Variants in TRABD2A observed in about 807,000 individuals in gnomAD.
TRABD2A encodes metalloprotease TIKI1.
A neutral mutation model predicts 45.6 loss-of-function variants in TRABD2A; 43 were observed. The ratio of observed to expected loss-of-function variants is 0.94; its 90% CI spans 0.74 to 1.22. The LOEUF (loss-of-function observed/expected upper bound fraction) is 1.22. Ranked by LOEUF, TRABD2A falls within the 50% of genes most tolerant of loss-of-function variation. TRABD2A has a pLI of 0.00. For synonymous variants in TRABD2A, 269 were observed against 265.0 expected, an observed-to-expected ratio of 1.02 and a Z score of -0.15; for missense variants, 642 against 652.4, an observed-to-expected ratio of 0.98 and a Z score of 0.17.
intron 2 of TRABD2A, chr2:84,849,426 A>G (rs903060486): frequency 1.3e-5 from 2 of 152,172 alleles, no homozygotes; most frequent in African/African-American, 4.8e-5. Context: ...CTACCCACCC[A>G]TAAGCTTGCT....
intron 2 of TRABD2A, among the ~76,000 whole-genome samples, chr2:84,848,491 C>G (rs1381549866): frequency 7.0e-6 from 1 of 142,698 alleles, no homozygotes; most frequent in African/African-American, 2.5e-5. Flanking sequence ...AAAGCCTTTC[C>G]ATGAACAAAT....
At chr2:84,852,225 G>A (rs971155032) in intron 2 of TRABD2A, among the ~76,000 whole-genome samples, 1 of 152,174 alleles carries the variant, frequency 6.6e-6, no homozygotes, top group Non-Finnish European at 1.5e-5. Flanking sequence ...GGACAACAGG[G>A]GTGGCAGCAC....
Position 84,870,519 on chromosome 2 carries a change from G to A in TRABD2A, c.375C>T (p.Arg125=). 1 of 1,614,048 alleles carries A rather than the reference G, an allele frequency of 6.2e-7. No homozygotes were observed. The highest frequency in any genetic ancestry group is 2.2e-5 in the East Asian group (1 of 44,894). The change falls in exon 2 of 7, where the codon CGC becomes CGT. Residue 125 remains arginine (R), a synonymous_variant. Coordinates refer to ENST00000409520, the MANE Select transcript of TRABD2A (RefSeq NM_001277053.2). ...LPRDIYCRLK[R]HLEYVKLMMP... is the part of the protein sequence containing the mutation. ...TCATGAGCTTGACATACTCCAGGTG[G>A]CGCTTGAGGCGGCAGTAGATGTCCC...
chr2:84,822,679 A>G (rs765460946), intron 6 of TRABD2A, among the ~76,000 whole-genome samples: 5 of 152,182 alleles, frequency 3.3e-5, no homozygotes, highest in Non-Finnish European at 5.9e-5. Flanking sequence ...AAACAGGTCA[A>G]TTTATTCCTC....
intron 5 of TRABD2A, among the ~76,000 whole-genome samples, chr2:84,828,714 T>C (rs916482682): frequency 1.3e-5 from 2 of 152,242 alleles, no homozygotes; most frequent in African/African-American, 2.4e-5. Flanking sequence ...TCAATCCTAT[T>C]TGAGATCCCA....
At chr2:84,868,329 C>T (rs925375229) in intron 2 of TRABD2A, among the ~76,000 whole-genome samples, 10 of 151,600 alleles carry the variant, frequency 6.6e-5, no homozygotes, top group South Asian at 2.1e-4. Context: ...AGCAAACTAT[C>T]GCAAGGACAA....
intron 2 of TRABD2A, chr2:84,843,481 T>C (rs1212335886): frequency 6.6e-6 from 1 of 152,220 alleles, no homozygotes; most frequent in Non-Finnish European, 1.5e-5. Flanking sequence ...ACAGGCCCAC[T>C]GCGTACCCCT....
At chr2:84,879,458 G>A (rs768748944) in intron 1 of TRABD2A, 35 of 341,142 alleles carry the variant, frequency 1.0e-4, no homozygotes, top group Non-Finnish European at 1.3e-4. Context: ...TGGGATTACA[G>A]GAGTGAGCTA....
At chr2:84,854,862 G>C (rs1300323339) in intron 2 of TRABD2A, among the ~76,000 whole-genome samples, 1 of 152,114 alleles carries the variant, frequency 6.6e-6, no homozygotes, top group Non-Finnish European at 1.5e-5. Flanking sequence ...CATGGTGTCA[G>C]GTCCACCTCT....
rs766171298 is a variant in TRABD2A at position 84,839,323 on chromosome 2, C to A, written c.817G>T (p.Val273Phe). 6 of 1,600,586 alleles carry A rather than the reference C, an allele frequency of 3.7e-6. No homozygotes were observed. The highest frequency in any genetic ancestry group is 2.6e-6 in the Non-Finnish European group (3 of 1,174,286). ...AGCGTGGCATTAATAAAATTGGGAA[C>A]CTCCACCAAAATAAAGAGAAAAAAA... ...SVILSHDSSQVPNFINATLPP... is the reference protein window; with the variant it reads ...SVILSHDSSQFPNFINATLPP... Residue 273 changes from valine to phenylalanine, a missense_variant and splice_region_variant, in exon 4 of 7, where the codon GTT (valine) becomes TTT (phenylalanine). Transcript: ENST00000409520.
intron 5 of TRABD2A, among the ~76,000 whole-genome samples, chr2:84,828,789 G>A (rs1053462693): frequency 6.6e-6 from 1 of 152,198 alleles, no homozygotes; most frequent in Non-Finnish European, 1.5e-5. Context: ...ATCCTTGTCC[G>A]GAAGGCTCTA....
In TRABD2A at chr2:84,839,284, G is replaced by A. The variant is rs367984664; in HGVS notation, c.856C>T (p.Arg286Cys). The change falls in exon 4 of 7, where the codon CGC (arginine) becomes TGC (cysteine). Residue 286 changes from arginine (R) to cysteine (C), a missense_variant. By Grantham distance (180) the Arg-to-Cys change is radical. Coordinates refer to ENST00000409520, the MANE Select transcript of TRABD2A (RefSeq NM_001277053.2). ...CTGTCAATCTCCTGAGCAGTGATGC[G>A]CTCCTGAGGTGGTAGCGTGGCATTA... The part of the protein sequence containing the change: ...FINATLPPQE[R>C]ITAQEIDSYL... The A allele has an allele frequency of 1.7e-5, 27 of 1,613,394 alleles. No homozygotes were observed. The highest frequency in any genetic ancestry group is 8.0e-5 in the African/African-American group (6 of 74,840).
chr2:84,877,677 A>G (rs916013722), intron 1 of TRABD2A, among the ~76,000 whole-genome samples: 1 of 152,238 alleles, frequency 6.6e-6, no homozygotes, highest in South Asian at 2.1e-4. Context: ...CTTCTGAATC[A>G]AACTGAGATT....
rs778283055 is a variant in TRABD2A at position 84,870,793 on chromosome 2, GA to G, written c.109-9del. On this transcript the variant is annotated splice_polypyrimidine_tract_variant and intron_variant, in intron 1 of 6. Transcript: ENST00000409520. ...GGAATTCAGCTCGCTTTGCTGAAAA[GA>G]AAAGAGGTAACATCAAGGTATAATA... is the stretch of plus-strand genomic sequence containing the variant. The G allele has an allele frequency of 1.3e-6, 2 of 1,560,744 alleles. No individual in the cohort carries two copies. The highest frequency in any genetic ancestry group is 8.7e-7 in the Non-Finnish European group (1 of 1,151,924).
chr2:84,822,745 G>A (rs1449932166), intron 6 of TRABD2A, among the ~76,000 whole-genome samples: 1 of 152,170 alleles, frequency 6.6e-6, no homozygotes, highest in African/African-American at 2.4e-5. Flanking sequence ...ATCAGAAGCT[G>A]TCCCCATTCT....
At position 84,856,259 on chromosome 2, in the gene TRABD2A, TGGG is replaced by T. The variant is rs35618736; in HGVS notation, c.669+13963_669+13965del. On this transcript the variant is annotated intron_variant, in intron 2 of 6. Transcript: ENST00000409520. ...CCACCTCACCTAGGTCTCCGTGCAG[TGGG>T]GAGGTCCTTCTCAGGCTCATTTTCT... Among the ~76,000 whole-genome samples the T allele has an allele frequency of 2.6e-5, 4 of 151,954 alleles. 1 individual carries two copies. In the East Asian group the frequency reaches 7.7e-4, roughly 29 times the overall value.
chr2:84,832,008 A>T (rs762045896), intron 5 of TRABD2A, 47 bp downstream of exon 5: 1 of 1,605,872 alleles, frequency 6.2e-7, no homozygotes, highest in East Asian at 2.2e-5. Flanking sequence ...AGGCAGCCCC[A>T]TGAGGGTCTC....
At chr2:84,859,629 A>G (rs1399245651) in intron 2 of TRABD2A, among the ~76,000 whole-genome samples, 1 of 152,208 alleles carries the variant, frequency 6.6e-6, no homozygotes, top group African/African-American at 2.4e-5. Flanking sequence ...CACTGTGGCA[A>G]TACAAGAACA....
intron 2 of TRABD2A, among the ~76,000 whole-genome samples, chr2:84,861,477 C>T (rs1274448254): frequency 6.6e-6 from 1 of 152,130 alleles, no homozygotes; most frequent in African/African-American, 2.4e-5. Context: ...CTATAAGAAT[C>T]TAATGCTGCC....
Sources: allele counts gnomAD v4.1 joint callset (sites outside exome capture counted in the v4.1 genomes callset), GRCh38; gene constraint gnomAD v4.1.1; transcripts MANE v1.5; gene names NCBI Gene and HGNC (gene_info 2026-07-23, HGNC 2026-07-21).